Variants in PPARGC1A observed in about 807,000 individuals in gnomAD.
The protein encoded by PPARGC1A is PPARG coactivator 1 alpha.
A neutral mutation model predicts 88.7 loss-of-function variants in PPARGC1A; 25 were observed. The ratio of observed to expected loss-of-function variants is 0.28; its 90% CI spans 0.21 to 0.39. The LOEUF (loss-of-function observed/expected upper bound fraction) is 0.39. Among genes scored for constraint, PPARGC1A ranks in the 10% least tolerant of loss-of-function variants. The probability of loss-of-function intolerance (pLI) is 1.00; values close to 1 mark genes in which losing one functional copy is unlikely to be tolerated. For missense variants in PPARGC1A, 880 were observed against 968.7 expected (o/e 0.91, Z 1.22); for synonymous variants, 363 against 355.6 (o/e 1.02, Z -0.24).
chr4:24,430,820 T>C, the PPARGC1A span, among the ~76,000 whole-genome samples: 1 of 152,036 alleles, frequency 6.6e-6, no homozygotes, highest in Admixed American at 6.6e-5. Context: ...GCACAGACCC[T>C]GAGACAGAAA....
the PPARGC1A span, among the ~76,000 whole-genome samples, chr4:24,022,224 C>G: frequency 7.2e-5 from 11 of 152,286 alleles, no homozygotes; most frequent in East Asian, 2.1e-3. Context: ...CCCTGAGCAT[C>G]TTCTCGCTGC....
the PPARGC1A span, among the ~76,000 whole-genome samples, chr4:24,387,778 AAGAAAGAAAG>A: frequency 1.4e-5 from 1 of 72,076 alleles, no homozygotes; most frequent in Non-Finnish European, 2.9e-5. Flanking sequence ...GAAAGAAAGA[AAGAAAGAAAG>A]AAAGAAAGAA....
chr4:23,944,058 C>G, the PPARGC1A span, among the ~76,000 whole-genome samples: 37 of 151,870 alleles, frequency 2.4e-4, no homozygotes, highest in Non-Finnish European at 4.1e-4. Flanking sequence ...AGAAAAAGGA[C>G]ATTATAGAAA....
chr4:23,886,253 C>CTCCTTGACAT (rs1716868463), intron 1 of PPARGC1A, among the ~76,000 whole-genome samples: 1 of 152,160 alleles, frequency 6.6e-6, no homozygotes, highest in Non-Finnish European at 1.5e-5. Context: ...ATGAAAGATG[C>CTCCTTGACAT]TCCTTGACAT....
the PPARGC1A span, among the ~76,000 whole-genome samples, chr4:24,341,055 C>T: frequency 6.6e-6 from 1 of 151,964 alleles, no homozygotes; most frequent in Non-Finnish European, 1.5e-5. Flanking sequence ...CTGTGCAATC[C>T]GTGCTATTAC....
the PPARGC1A span, among the ~76,000 whole-genome samples, chr4:24,270,519 T>G: frequency 6.6e-6 from 1 of 152,210 alleles, no homozygotes; most frequent in African/African-American, 2.4e-5. Flanking sequence ...ATCTCTTATT[T>G]TGACCACCCA....
chr4:24,208,968 G>A, the PPARGC1A span, among the ~76,000 whole-genome samples: 1 of 152,156 alleles, frequency 6.6e-6, no homozygotes, highest in Non-Finnish European at 1.5e-5. Flanking sequence ...GCAGAATGCA[G>A]ATTTGAATAC....
chr4:23,809,885 C>T (rs1341265338), intron 10 of PPARGC1A, among the ~76,000 whole-genome samples: 1 of 152,050 alleles, frequency 6.6e-6, no homozygotes, highest in Non-Finnish European at 1.5e-5. Flanking sequence ...GGATGTTCTC[C>T]TTCATATATA....
At chr4:24,430,251 A>AT in the PPARGC1A span, among the ~76,000 whole-genome samples, 2 of 131,740 alleles carry the variant, frequency 1.5e-5, no homozygotes. Flanking sequence ...GATATTTTGT[A>AT]TTTCTTTTTT....
chr4:24,252,173 C>T, the PPARGC1A span, among the ~76,000 whole-genome samples: 1 of 152,124 alleles, frequency 6.6e-6, no homozygotes, highest in African/African-American at 2.4e-5. Flanking sequence ...TCATCTTTAT[C>T]AACACCAAAT....
intron 2 of PPARGC1A, among the ~76,000 whole-genome samples, chr4:23,835,405 C>T (rs1440323715): frequency 6.6e-6 from 1 of 151,518 alleles, no homozygotes; most frequent in Non-Finnish European, 1.5e-5. Flanking sequence ...TTTTAATTCC[C>T]CTCTCTACTG....
the PPARGC1A span, among the ~76,000 whole-genome samples, chr4:24,456,843 C>A: frequency 6.6e-6 from 1 of 152,000 alleles, no homozygotes; most frequent in African/African-American, 2.4e-5. Context: ...TTACAGAAGA[C>A]AAGGCCAGAG....
the PPARGC1A span, among the ~76,000 whole-genome samples, chr4:24,119,798 T>C: frequency 6.6e-6 from 1 of 152,116 alleles, no homozygotes; most frequent in Non-Finnish European, 1.5e-5. Context: ...CACACCCTCC[T>C]CCAAAACCCA....
the PPARGC1A span, among the ~76,000 whole-genome samples, chr4:24,041,105 C>A: frequency 6.6e-6 from 1 of 152,174 alleles, no homozygotes; most frequent in Admixed American, 6.5e-5. Flanking sequence ...AGGGAATTCT[C>A]TATTTGCTCT....
the PPARGC1A span, among the ~76,000 whole-genome samples, chr4:23,972,611 T>A: frequency 6.6e-6 from 1 of 152,216 alleles, no homozygotes; most frequent in African/African-American, 2.4e-5. Context: ...ATGAGATACT[T>A]ACTGAAAAAT....
the PPARGC1A span, among the ~76,000 whole-genome samples, chr4:24,123,728 T>C: frequency 2.0e-5 from 3 of 152,070 alleles, no homozygotes; most frequent in Non-Finnish European, 4.4e-5. Flanking sequence ...AATCAAGTCA[T>C]TCTGCTTAAA....
At chr4:23,987,840 G>A in the PPARGC1A span, among the ~76,000 whole-genome samples, 1 of 151,958 alleles carries the variant, frequency 6.6e-6, no homozygotes, top group Non-Finnish European at 1.5e-5. Context: ...TGTAGAATGT[G>A]CAGGTTTGTT....
At chr4:23,931,429 C>T in the PPARGC1A span, among the ~76,000 whole-genome samples, 1 of 151,842 alleles carries the variant, frequency 6.6e-6, no homozygotes, top group Non-Finnish European at 1.5e-5. Context: ...GTATCCCCGC[C>T]CTGACTTTTT....
At chr4:23,796,068 T>C in intron 12 of PPARGC1A, 143 bp from the exon 13 acceptor site, 2 of 663,058 alleles carry the variant, frequency 3.0e-6, no homozygotes, top group South Asian at 1.7e-5. Context: ...TTATTGGATA[T>C]ATATGGATAT....
Sources: allele counts gnomAD v4.1 joint callset (sites outside exome capture counted in the v4.1 genomes callset), GRCh38; gene constraint gnomAD v4.1.1; transcripts MANE v1.5; gene names NCBI Gene and HGNC (gene_info 2026-07-23, HGNC 2026-07-21).